MSL3: variants seen among roughly 807,000 people sequenced by gnomAD.
The protein encoded by MSL3 is MSL3-like 1.
MSL3 carries 5 observed loss-of-function variants against 37.2 expected under a neutral mutation model. That is an observed-to-expected ratio of 0.13 (90% CI 0.07 to 0.28). The LOEUF (loss-of-function observed/expected upper bound fraction) is 0.28. Ranked by LOEUF, MSL3 falls within the 10% of genes least tolerant of loss-of-function variation. The pLI, the probability that MSL3 is intolerant of heterozygous loss-of-function variation, is 1.00. For missense variants in MSL3, 315 were observed against 408.5 expected, an observed-to-expected ratio of 0.77 and a Z score of 1.97; for synonymous variants, 149 against 147.6, an observed-to-expected ratio of 1.01 and a Z score of -0.07.
At chrX:11,774,725 C>T (rs2053259939) in intron 12 of MSL3, among the ~76,000 whole-genome samples, 2 of 110,989 alleles carry the variant, frequency 1.8e-5, no homozygotes, top group Non-Finnish European at 3.8e-5. Flanking sequence ...AACCAGACTG[C>T]CACCTAGTGG....
At chrX:11,768,159 T>A (rs2053201603) in intron 9 of MSL3, among the ~76,000 whole-genome samples, 1 of 111,242 alleles carries the variant, frequency 9.0e-6, no homozygotes, top group African/African-American at 3.3e-5. Flanking sequence ...GCACAGTCAA[T>A]TCCAGAACAT....
intron 4 of MSL3, chrX:11,761,155 G>A: frequency 2.5e-6 from 1 of 393,228 alleles, no homozygotes. Flanking sequence ...CTCTCGGCCA[G>A]CATCTTTGTA....
At chrX:11,771,841 A>G (rs1209935935) in intron 10 of MSL3, among the ~76,000 whole-genome samples, 1 of 112,379 alleles carries the variant, frequency 8.9e-6, no homozygotes, top group Non-Finnish European at 1.9e-5. Context: ...TCGGCCTCCC[A>G]AAGTGCTGGG....
chrX:11,774,852 A>G (rs910505654), intron 12 of MSL3, 128 bp from the exon 13 acceptor site: 1 of 482,049 alleles, frequency 2.1e-6, no homozygotes, highest in Non-Finnish European at 3.6e-6. Context: ...AGAGATCAAA[A>G]TTATAGTCAT....
intron 5 of MSL3, among the ~76,000 whole-genome samples, chrX:11,761,900 A>G (rs1173144615): frequency 8.9e-6 from 1 of 112,046 alleles, no homozygotes. Context: ...ATCCAAAGTT[A>G]ATATAAATCC....
chrX:11,765,796 A>G lies in MSL3; in HGVS notation c.1171+67A>G, dbSNP rs2053176853. 3.4e-6 allele frequency: 4 copies of G among 1,183,799 alleles called. No individual in the cohort carries two copies. In the Admixed American group the frequency reaches 9.1e-5, roughly 27 times the overall value. On this transcript the variant is annotated intron_variant, in intron 9 of 12. Transcript: ENST00000312196. The stretch of plus-strand genomic sequence containing the variant: ...GTGTACTTTGTGTTTAGTCAGTGCC[A>G]GGCATGGTGCTGAGGTTACATGTGT...
At chrX:11,762,578 T>C (rs887569384) in intron 6 of MSL3, among the ~76,000 whole-genome samples, 3 of 112,482 alleles carry the variant, frequency 2.7e-5, no homozygotes, top group African/African-American at 9.7e-5. Context: ...CCCCAGGTTG[T>C]TCTCACAGAT....
intron 12 of MSL3, among the ~76,000 whole-genome samples, chrX:11,773,747 T>C (rs1422566490): frequency 8.9e-6 from 1 of 112,238 alleles, no homozygotes; most frequent in African/African-American, 3.2e-5. Context: ...TAATACAAAA[T>C]AGAAATTAGA....
In MSL3 at chrX:11,758,240, C is replaced by T. The variant is rs1306089688; in HGVS notation, c.-24C>T. 1.0e-6 allele frequency: 1 copy of T among 973,765 alleles called. No individual in the cohort carries two copies. The highest frequency in any genetic ancestry group is 3.4e-5 in the Admixed American group (1 of 29,379). 80.2% of individuals were successfully genotyped at this position (973,765 alleles called of 1,213,427 possible). A position where few individuals can be genotyped will look rare whatever the true frequency, so the allele number is the denominator to read the frequency against. On this transcript the variant is annotated 5_prime_UTR_variant, in exon 1 of 13. Coordinates refer to ENST00000312196, the MANE Select transcript of MSL3 (RefSeq NM_078629.4). ...GCGCGCGCTCCGCCCGCCCCGGAGC[C>T]TCGCCCTCCGCCACGATGAGCAAAT...
chrX:11,758,463 C>G, intron 1 of MSL3, 98 bp downstream of exon 1: 1 of 946,063 alleles, frequency 1.1e-6, no homozygotes, highest in Non-Finnish European at 1.4e-6. Context: ...GAGGGACCGG[C>G]CGGGCTCCTC....
intron 12 of MSL3, among the ~76,000 whole-genome samples, chrX:11,774,106 A>T (rs761709135): frequency 7.9e-4 from 88 of 112,020 alleles, no homozygotes; most frequent in African/African-American, 2.5e-3. Context: ...TTGAATGACC[A>T]GCACATTTTT....
At position 11,774,949 on chromosome X, in the gene MSL3, G is replaced by A. The variant is rs762628549; in HGVS notation, c.1467-31G>A. Reference sequence around the variant, plus strand: ...CTTGATGGTATTTAGTCCTTAGTATGGTGCTCATTGGGGCTATTTTTTTTT... The same window carrying A: ...CTTGATGGTATTTAGTCCTTAGTATAGTGCTCATTGGGGCTATTTTTTTTT... On this transcript the variant is annotated intron_variant, in intron 12 of 12. Transcript: ENST00000312196. The A allele has an allele frequency of 2.0e-5, 21 of 1,049,844 alleles. No homozygotes were observed. In the South Asian group the frequency reaches 3.7e-4, roughly 18 times the overall value. 86.5% of individuals were successfully genotyped at this position (1,049,844 alleles called of 1,213,427 possible). A position where few individuals can be genotyped will look rare whatever the true frequency, so the allele number is the denominator to read the frequency against.
upstream of MSL3, chrX:11,758,171 G>C: frequency 1.9e-5 from 3 of 161,528 alleles, no homozygotes; most frequent in Non-Finnish European, 3.2e-5. Context: ...GCCCCCCCCG[G>C]CCACGGCGCA....
intron 12 of MSL3, among the ~76,000 whole-genome samples, chrX:11,773,315 C>T (rs771779063): frequency 1.7e-4 from 19 of 111,723 alleles, no homozygotes; most frequent in Non-Finnish European, 1.1e-4. Context: ...ACCACTTTCT[C>T]TCCTTGGCCT....
chrX:11,761,013 A>G (rs2053127420), intron 4 of MSL3, 76 bp downstream of exon 4: 1 of 750,067 alleles, frequency 1.3e-6, no homozygotes, highest in Admixed American at 3.6e-5. Context: ...CTGAAATTCT[A>G]GACAGGGAAA....
intron 10 of MSL3, 104 bp from the exon 11 acceptor site, chrX:11,772,052 A>G (rs951941664): frequency 5.6e-6 from 3 of 536,509 alleles, no homozygotes; most frequent in African/African-American, 2.3e-5. Flanking sequence ...TGATCCAATC[A>G]CTTATTTTTT....
chrX:11,758,622 A>C (rs781387616), intron 1 of MSL3: 16 of 1,148,414 alleles, frequency 1.4e-5, no homozygotes, highest in Non-Finnish European at 1.9e-5. Context: ...TTGTCGCGTT[A>C]CCGGGGCTAC....
At chrX:11,774,955 C>G in intron 12 of MSL3, 25 bp from the exon 13 acceptor site, 1 of 1,107,993 alleles carries the variant, frequency 9.0e-7, no homozygotes, top group Non-Finnish European at 1.2e-6. Context: ...GTATGGTGCT[C>G]ATTGGGGCTA....
chrX:11,769,663 G>A (rs1437819466), intron 10 of MSL3, among the ~76,000 whole-genome samples: 1 of 112,188 alleles, frequency 8.9e-6, no homozygotes, highest in Non-Finnish European at 1.9e-5. Context: ...CAGTGCAGTG[G>A]CAGGATGTTA....
Sources: allele counts gnomAD v4.1 joint callset (sites outside exome capture counted in the v4.1 genomes callset), GRCh38; gene constraint gnomAD v4.1.1; transcripts MANE v1.5; gene names NCBI Gene and HGNC (gene_info 2026-07-23, HGNC 2026-07-21).